Variants in RALYL observed in about 807,000 individuals in gnomAD.
RALYL encodes RALY RNA binding protein like.
RALYL carries 29 observed loss-of-function variants against 35.1 expected under a neutral mutation model. That is an observed-to-expected ratio of 0.83 (90% CI 0.61 to 1.13). RALYL has a LOEUF of 1.13. Among genes scored for constraint, RALYL ranks in the 50% most tolerant of loss-of-function variants. The pLI is 0.00. For synonymous variants in RALYL, 120 were observed against 127.6 expected, an observed-to-expected ratio of 0.94 and a Z score of 0.40; for missense variants, 359 against 360.4, an observed-to-expected ratio of 1.00 and a Z score of 0.03.
chr8:84,714,470 A>G (rs186428324), intron 2 of RALYL, among the ~76,000 whole-genome samples: 112 of 151,620 alleles, frequency 7.4e-4, no homozygotes, highest in African/African-American at 2.6e-3. Flanking sequence ...CCACTCCACA[A>G]TATGTACATA....
chr8:84,729,314 A>T (rs1159444677), intron 2 of RALYL, among the ~76,000 whole-genome samples: 7 of 152,014 alleles, frequency 4.6e-5, no homozygotes, highest in Non-Finnish European at 7.4e-5. Context: ...TGATTTTTGT[A>T]CACTGATTTT....
At chr8:84,827,940 T>C (rs774178711) in intron 4 of RALYL, among the ~76,000 whole-genome samples, 1 of 151,916 alleles carries the variant, frequency 6.6e-6, no homozygotes, top group African/African-American at 2.4e-5. Flanking sequence ...CATAGAACTA[T>C]ATAAACTTTT....
chr8:84,253,182 T>TG (rs1331329225), intron 1 of RALYL, among the ~76,000 whole-genome samples: 2 of 113,930 alleles, frequency 1.8e-5, no homozygotes, highest in South Asian at 3.3e-4. Flanking sequence ...TGCAGTTTTT[T>TG]TTTTTTTTTT....
chr8:84,308,385 G>T (rs1189660791), intron 1 of RALYL, among the ~76,000 whole-genome samples: 2 of 152,022 alleles, frequency 1.3e-5, no homozygotes, highest in Admixed American at 6.6e-5. Context: ...ATTTAAAACA[G>T]TCTCAACTCC....
At chr8:84,311,599 G>C (rs1842823321) in intron 1 of RALYL, among the ~76,000 whole-genome samples, 1 of 151,982 alleles carries the variant, frequency 6.6e-6, no homozygotes, top group African/African-American at 2.4e-5. Context: ...AAGAGAATTG[G>C]TTACCTGTAA....
intron 1 of RALYL, among the ~76,000 whole-genome samples, chr8:84,253,284 G>C (rs1241338899): frequency 6.9e-6 from 1 of 144,348 alleles, no homozygotes; most frequent in East Asian, 2.1e-4. Context: ...CCACCTTCCG[G>C]GTTCAAGCTA....
intron 2 of RALYL, among the ~76,000 whole-genome samples, chr8:84,590,119 A>C (rs1812912454): frequency 1.3e-5 from 2 of 152,194 alleles, no homozygotes; most frequent in African/African-American, 4.8e-5. Flanking sequence ...TCATCAATTT[A>C]TCATACTCCT....
intron 1 of RALYL, among the ~76,000 whole-genome samples, chr8:84,464,148 T>G (rs960370454): frequency 5.3e-5 from 8 of 151,526 alleles, no homozygotes; most frequent in Admixed American, 1.3e-4. Context: ...TTTTGTTTTT[T>G]TTTTTATTAT....
rs573627174 is a variant in RALYL at position 84,353,988 on chromosome 8, C to A, written c.-24+169564C>A. ...TCTTTTGAAAGTCTGGAGTTGTTGT[C>A]AATGACTCACAGTGACAAAGTGCTT... On this transcript the variant is annotated intron_variant, in intron 1 of 8. Coordinates refer to ENST00000521268, the MANE Select transcript of RALYL (RefSeq NM_173848.7). Among the ~76,000 whole-genome samples, 222 of 149,782 alleles carry A rather than the reference C, an allele frequency of 1.5e-3. 11 individuals are homozygous for A. Among genetic ancestry groups the A allele is most frequent in the Non-Finnish European group, 2.6e-3 (175 of 67,590 alleles).
intron 8 of RALYL, among the ~76,000 whole-genome samples, chr8:84,912,093 GTCAT>G (rs1462527759): frequency 6.6e-6 from 1 of 152,036 alleles, no homozygotes; most frequent in Non-Finnish European, 1.5e-5. Flanking sequence ...AAACCCTCTA[GTCAT>G]TCAGTCTTTC....
chr8:84,382,267 T>A (rs958732657), intron 1 of RALYL, among the ~76,000 whole-genome samples: 1 of 151,338 alleles, frequency 6.6e-6, no homozygotes, highest in African/African-American at 2.4e-5. Context: ...GTTCTTTTTA[T>A]TAAAATGTAA....
At chr8:84,401,192 C>T (rs1418905865) in intron 1 of RALYL, among the ~76,000 whole-genome samples, 1 of 152,110 alleles carries the variant, frequency 6.6e-6, no homozygotes, top group South Asian at 2.1e-4. Context: ...ATTATCTGAT[C>T]ATTCTTTCTA....
chr8:84,619,718 G>T (rs1001219255), intron 2 of RALYL, among the ~76,000 whole-genome samples: 3 of 151,558 alleles, frequency 2.0e-5, no homozygotes, highest in African/African-American at 7.3e-5. Context: ...GCATGATTTT[G>T]CAGCAGCTGG....
At chr8:84,186,403 C>T (rs900511838) in intron 1 of RALYL, among the ~76,000 whole-genome samples, 2 of 152,092 alleles carry the variant, frequency 1.3e-5, no homozygotes, top group African/African-American at 4.8e-5. Flanking sequence ...TAGAAATGCT[C>T]ATTTATTAAA....
chr8:84,556,538 A>G lies in RALYL; in HGVS notation c.256+26961A>G, dbSNP rs895753701. Among the ~76,000 whole-genome samples the G allele has an allele frequency of 6.6e-5, 10 of 152,208 alleles. No individual in the cohort carries two copies. The East Asian group carries it at 1.9e-3, about 29-fold the overall frequency. ...AATAAAACAAAAACACATCTTTATT[A>G]TTTATTCACATCCCTAACACATTAC... is the stretch of plus-strand genomic sequence containing the variant. On this transcript the variant is annotated intron_variant, in intron 2 of 8. Transcript: ENST00000521268.
At chr8:84,706,006 A>T (rs948979458) in intron 2 of RALYL, 10 of 1,535,138 alleles carry the variant, frequency 6.5e-6, no homozygotes, top group Non-Finnish European at 8.7e-6. Flanking sequence ...CTTCTTAGAA[A>T]GTCTAATTTT....
Position 84,325,020 on chromosome 8 carries a change from C to A in RALYL, c.-24+140596C>A, listed in dbSNP as rs566882411. On this transcript the variant is annotated intron_variant, in intron 1 of 8. Transcript: ENST00000521268. ...TATATATACTTCATCCATGTCCAGC[C>A]TTTTAATAATCTTTCTCATTGTGGC... Among the ~76,000 whole-genome samples, 30 of 152,212 alleles carry A rather than the reference C, an allele frequency of 2.0e-4. No individual in the cohort carries two copies. In the Middle Eastern group the frequency reaches 0.014, roughly 69 times the overall value.
At chr8:84,471,847 C>T (rs1333282918) in intron 1 of RALYL, among the ~76,000 whole-genome samples, 2 of 152,058 alleles carry the variant, frequency 1.3e-5, no homozygotes, top group Non-Finnish European at 2.9e-5. Flanking sequence ...TGCTAAAGTT[C>T]TTAGGACACT....
chr8:84,267,695 C>CAA (rs1012290586), intron 1 of RALYL, among the ~76,000 whole-genome samples: 6 of 151,938 alleles, frequency 3.9e-5, no homozygotes, highest in African/African-American at 1.5e-4. Context: ...GAACTACAGC[C>CAA]AAAAAAACAA....
Sources: allele counts gnomAD v4.1 joint callset (sites outside exome capture counted in the v4.1 genomes callset), GRCh38; gene constraint gnomAD v4.1.1; transcripts MANE v1.5; gene names NCBI Gene and HGNC (gene_info 2026-07-23, HGNC 2026-07-21).